CEMIP2: variants seen among roughly 807,000 people sequenced by gnomAD.
CEMIP2 encodes cell migration inducing hyaluronidase 2.
Under a neutral mutation model 146.9 loss-of-function variants are expected in CEMIP2, and 79 were observed. That is an observed-to-expected ratio of 0.54 (90% CI 0.45 to 0.65). CEMIP2 has a LOEUF of 0.65. Ranked by LOEUF, CEMIP2 falls within the 30% of genes least tolerant of loss-of-function variation. The pLI is 0.00. For synonymous variants in CEMIP2, 601 were observed against 606.3 expected (o/e 0.99, Z 0.13); for missense variants, 1,596 against 1,696.2 (o/e 0.94, Z 1.04).
intron 5 of CEMIP2, among the ~76,000 whole-genome samples, chr9:71,738,787 A>G (rs1000294193): frequency 6.7e-6 from 1 of 149,716 alleles, no homozygotes; most frequent in Non-Finnish European, 1.5e-5. Context: ...CAATGAGCCA[A>G]GATCAGGCCA....
rs189391917 is a variant in CEMIP2, at chr9:71,698,175, C to T, written c.3407G>A (p.Ser1136Asn). 11 of 1,614,162 alleles carry T rather than the reference C, an allele frequency of 6.8e-6. No individual in the cohort carries two copies. Among genetic ancestry groups the T allele is most frequent in the Admixed American group, 5.0e-5 (3 of 60,012 alleles). ...GLLFLYLKAKSHRHGHSYCSS... is the reference protein window; with the variant it reads ...GLLFLYLKAKNHRHGHSYCSS... ...ACAGTAACTGTGGCCATGCCTGTGG[C>T]TTTTGGCTTTGAGATACAAAAACAG... is the stretch of plus-strand genomic sequence containing the variant. The change falls in exon 20 of 24, where the codon AGC becomes AAC. Residue 1136 changes from serine (S) to asparagine (N), a missense_variant. Coordinates refer to ENST00000377044, the MANE Select transcript of CEMIP2 (RefSeq NM_013390.3).
At chr9:71,757,533 G>T (rs1298463994) in intron 1 of CEMIP2, among the ~76,000 whole-genome samples, 1 of 152,132 alleles carries the variant, frequency 6.6e-6, no homozygotes. Context: ...GTAAAAACAT[G>T]CAGCAAAAAG....
intron 5 of CEMIP2, among the ~76,000 whole-genome samples, chr9:71,736,778 T>C (rs1157815639): frequency 6.6e-6 from 1 of 152,210 alleles, no homozygotes; most frequent in Non-Finnish European, 1.5e-5. Flanking sequence ...TTCATAACAC[T>C]GACAGAGAAG....
intron 19 of CEMIP2, among the ~76,000 whole-genome samples, chr9:71,700,206 A>G (rs1186130448): frequency 6.6e-6 from 1 of 152,244 alleles, no homozygotes; most frequent in Non-Finnish European, 1.5e-5. Context: ...AGAAAGTTGA[A>G]AGCAAATATT....
chr9:71,697,918 C>A, intron 20 of CEMIP2, 67 bp downstream of exon 20: 1 of 1,486,286 alleles, frequency 6.7e-7, no homozygotes, highest in South Asian at 1.2e-5. Flanking sequence ...AAGAAAAGTG[C>A]TCCTATTGCA....
At chr9:71,699,350 G>A (rs766250627) in intron 19 of CEMIP2, 1 of 399,898 alleles carries the variant, frequency 2.5e-6, no homozygotes, top group Non-Finnish European at 5.0e-6. Flanking sequence ...TGAGGCTGAG[G>A]TGGGAGGATC....
chr9:71,717,414 A>AT (rs1823090627), intron 13 of CEMIP2, among the ~76,000 whole-genome samples: 1 of 152,018 alleles, frequency 6.6e-6, no homozygotes, highest in Admixed American at 6.6e-5. Context: ...ACACACACAC[A>AT]TTTTTCTAGA....
chr9:71,717,339 G>C (rs1823087225), intron 13 of CEMIP2, among the ~76,000 whole-genome samples: 1 of 151,912 alleles, frequency 6.6e-6, no homozygotes, highest in Non-Finnish European at 1.5e-5. Flanking sequence ...TCAGTTTTTT[G>C]GATGAAAAAA....
chr9:71,750,291 A>T lies in CEMIP2; in HGVS notation c.83T>A (p.Val28Asp). The T allele has an allele frequency of 6.2e-7, 1 of 1,613,914 alleles. No homozygotes were observed. The highest frequency in any genetic ancestry group is 8.5e-7 in the Non-Finnish European group (1 of 1,179,998). ...NGNSRHPSGYVPGKVVPLRPP... is the reference protein window; with the variant it reads ...NGNSRHPSGYDPGKVVPLRPP... ...ACGCAATGGGACAACCTTCCCTGGAACATAGCCAGATGGGTGACGACTATT... is the reference window on the plus strand; with the variant it reads ...ACGCAATGGGACAACCTTCCCTGGATCATAGCCAGATGGGTGACGACTATT... The change falls in exon 2 of 24, where the codon GTT becomes GAT. Residue 28 changes from valine to aspartate, a missense_variant. Physicochemically the swap from Val to Asp is radical, Grantham distance 152. Coordinates refer to ENST00000377044, the MANE Select transcript of CEMIP2 (RefSeq NM_013390.3).
intron 21 of CEMIP2, among the ~76,000 whole-genome samples, chr9:71,692,948 A>G (rs1822277440): frequency 6.6e-6 from 1 of 152,074 alleles, no homozygotes; most frequent in South Asian, 2.1e-4. Flanking sequence ...AAAAACCAAG[A>G]GTCTTTGAGC....
intron 11 of CEMIP2, among the ~76,000 whole-genome samples, chr9:71,725,181 G>A (rs1477870020): frequency 6.6e-6 from 1 of 152,194 alleles, no homozygotes; most frequent in African/African-American, 2.4e-5. Flanking sequence ...ACTACAGTTT[G>A]AATGCATCCC....
chr9:71,748,676 AG>A (rs1824157702), intron 2 of CEMIP2, among the ~76,000 whole-genome samples: 2 of 152,196 alleles, frequency 1.3e-5, no homozygotes, highest in Admixed American at 1.3e-4. Context: ...AAAAGGAGAG[AG>A]GAAGTCATAC....
At chr9:71,758,407 AC>A (rs1589169896) in intron 1 of CEMIP2, among the ~76,000 whole-genome samples, 1 of 152,148 alleles carries the variant, frequency 6.6e-6, no homozygotes, top group Non-Finnish European at 1.5e-5. Flanking sequence ...TGAAAACCCA[AC>A]CCCCTGGTGG....
At chr9:71,685,948 G>C (rs944895601) in intron 22 of CEMIP2, 102 bp from the exon 23 acceptor site, 1 of 794,290 alleles carries the variant, frequency 1.3e-6, no homozygotes, top group African/African-American at 1.7e-5. Flanking sequence ...AGAAATATTA[G>C]ATAAAAGCAG....
Position 71,709,244 on chromosome 9 carries a change from A to G in CEMIP2, c.2985+15T>C, listed in dbSNP as rs764581565. Reference sequence around the variant, plus strand: ...GCTGGTAGGAACTTGAGCATTATACATTTGCTAAGCCTACCTGTGCATAGG... The same window carrying G: ...GCTGGTAGGAACTTGAGCATTATACGTTTGCTAAGCCTACCTGTGCATAGG... On this transcript the variant is annotated intron_variant, in intron 17 of 23. Transcript: ENST00000377044. 3.1e-6 allele frequency: 5 copies of G among 1,613,258 alleles called. No homozygotes were observed. The highest frequency in any genetic ancestry group is 4.2e-6 in the Non-Finnish European group (5 of 1,179,298).
Position 71,694,490 on chromosome 9 carries a change from A to G in CEMIP2, c.3696+19T>C. On this transcript the variant is annotated intron_variant, in intron 21 of 23. Transcript: ENST00000377044. ...TATACCACCTAGAACAGACTAAGAC[A>G]ACACCAGATGGTACTTACAGAAATA... 1 of 1,589,258 alleles carries G rather than the reference A, an allele frequency of 6.3e-7. No homozygotes were observed. Among genetic ancestry groups the G allele is most frequent in the African/African-American group, 1.3e-5 (1 of 74,524 alleles).
chr9:71,738,836 C>CAAAA (rs575313448), intron 5 of CEMIP2, among the ~76,000 whole-genome samples: 3 of 145,426 alleles, frequency 2.1e-5, no homozygotes, highest in Admixed American at 6.8e-5. Context: ...GACTCCGTCT[C>CAAAA]AAAAAAAAAA....
chr9:71,700,310 C>G (rs1006758100), intron 19 of CEMIP2, among the ~76,000 whole-genome samples: 40 of 152,284 alleles, frequency 2.6e-4, no homozygotes, highest in African/African-American at 9.6e-4. Flanking sequence ...GAAATATGAA[C>G]TATATCACAT....
chr9:71,722,654 TAA>T (rs11385294), intron 11 of CEMIP2, 139 bp from the exon 12 acceptor site: 16,955 of 442,340 alleles, frequency 0.038, no homozygotes, highest in East Asian at 0.047. Context: ...AAAGGTACTG[TAA>T]AAAAAAAAAA....
Sources: allele counts gnomAD v4.1 joint callset (sites outside exome capture counted in the v4.1 genomes callset), GRCh38; gene constraint gnomAD v4.1.1; transcripts MANE v1.5; gene names NCBI Gene and HGNC (gene_info 2026-07-23, HGNC 2026-07-21).